Variants in LMX1B observed in about 807,000 individuals in gnomAD.
The protein encoded by LMX1B is LIM homeobox transcription factor 1 beta.
In LMX1B, 12 loss-of-function variants were observed where a neutral mutation model predicts 51.4. The observed-to-expected ratio is 0.23, with a 90% confidence interval of 0.15 to 0.38. LMX1B has a LOEUF of 0.38. Among genes scored for constraint, LMX1B ranks in the 10% least tolerant of loss-of-function variants. The pLI is 1.00. For missense variants in LMX1B, 445 were observed against 571.1 expected (o/e 0.78, Z 2.25); for synonymous variants, 237 against 235.4 (o/e 1.01, Z -0.06).
chr9:126,644,435 T>C (rs1230473559), intron 2 of LMX1B, among the ~76,000 whole-genome samples: 1 of 152,108 alleles, frequency 6.6e-6, no homozygotes, highest in African/African-American at 2.4e-5. Flanking sequence ...CCCACACTAT[T>C]CTTCTCCCGC....
At chr9:126,645,971 A>T (rs556046909) in intron 2 of LMX1B, among the ~76,000 whole-genome samples, 37 of 152,276 alleles carry the variant, frequency 2.4e-4, no homozygotes, top group Non-Finnish European at 4.6e-4. Flanking sequence ...TCTGGCTCTC[A>T]GAACATGCTT....
intron 2 of LMX1B, among the ~76,000 whole-genome samples, chr9:126,645,185 C>A (rs1333866371): frequency 1.3e-5 from 2 of 152,204 alleles, no homozygotes; most frequent in Admixed American, 1.3e-4. Context: ...GATCTCACCT[C>A]CCAGAGACCA....
intron 2 of LMX1B, among the ~76,000 whole-genome samples, chr9:126,682,323 C>T (rs1302088501): frequency 1.3e-5 from 2 of 152,058 alleles, no homozygotes; most frequent in Non-Finnish European, 2.9e-5. Context: ...GAATGTGTGT[C>T]TCATTCATGC....
chr9:126,641,898 C>T lies in LMX1B; in HGVS notation c.326+26329C>T, dbSNP rs534020466. Among the ~76,000 whole-genome samples the T allele has an allele frequency of 1.4e-4, 22 of 152,340 alleles. No homozygotes were observed. The highest frequency in any genetic ancestry group is 5.3e-4 in the African/African-American group (22 of 41,566). On this transcript the variant is annotated intron_variant, in intron 2 of 7. Coordinates refer to ENST00000373474, the MANE Select transcript of LMX1B (RefSeq NM_001174147.2). This position sits in a 1 kb window ranked among gnomAD's most constrained non-coding sequence, Gnocchi z 4.1. ...GGCCCTGGGCAGAGCACTTCACCCA[C>T]GTTCTCTCAGAACTCTGTGAGATAG...
intron 2 of LMX1B, among the ~76,000 whole-genome samples, chr9:126,617,834 C>G (rs887561040): frequency 6.9e-6 from 1 of 145,324 alleles, no homozygotes; most frequent in African/African-American, 2.6e-5. Context: ...CAGTTCATTC[C>G]TCCACCCTCA....
chr9:126,668,015 C>T (rs1182219417), intron 2 of LMX1B, among the ~76,000 whole-genome samples: 3 of 152,130 alleles, frequency 2.0e-5, no homozygotes, highest in Non-Finnish European at 4.4e-5. Flanking sequence ...ATGATGTGGT[C>T]CCACTGGGTG....
intron 2 of LMX1B, among the ~76,000 whole-genome samples, chr9:126,620,923 GA>G (rs1835398660): frequency 6.6e-6 from 1 of 152,142 alleles, no homozygotes; most frequent in African/African-American, 2.4e-5. Context: ...AGGTCTGGGG[GA>G]TTTGTCTATT....
Position 126,651,649 on chromosome 9 carries a change from T to C in LMX1B, c.326+36080T>C, listed in dbSNP as rs558352580. Among the ~76,000 whole-genome samples the C allele has an allele frequency of 5.3e-4, 80 of 151,942 alleles. No individual in the cohort carries two copies. The Middle Eastern group carries it at 0.017, about 32-fold the overall frequency. ...CTGACCCCTCTCCCCTGGGCCCCGC[T>C]CCTCTCCTGAGGCCGACTCAGTTCT... On this transcript the variant is annotated intron_variant, in intron 2 of 7. Transcript: ENST00000373474.
rs376856366 is a variant in LMX1B at position 126,675,915 on chromosome 9, A to G, written c.327-14921A>G. Reference sequence around the variant, plus strand: ...ATACAAAAAATTAGCCGGGCGTGGTAGCGGGCACCTGTAGTCCCAGCTACT... The same window carrying G: ...ATACAAAAAATTAGCCGGGCGTGGTGGCGGGCACCTGTAGTCCCAGCTACT... On this transcript the variant is annotated intron_variant, in intron 2 of 7. Coordinates refer to ENST00000373474, the MANE Select transcript of LMX1B (RefSeq NM_001174147.2). Among the ~76,000 whole-genome samples the G allele has an allele frequency of 6.3e-3, 925 of 146,518 alleles. 12 individuals are homozygous for G. Among genetic ancestry groups the G allele is most frequent in the African/African-American group, 0.022 (864 of 39,406 alleles).
chr9:126,683,742 A>G (rs1467176713), intron 2 of LMX1B, among the ~76,000 whole-genome samples: 2 of 152,228 alleles, frequency 1.3e-5, no homozygotes, highest in African/African-American at 2.4e-5. Flanking sequence ...TATGATGATT[A>G]CCCATAAGGT....
chr9:126,635,219 A>C (rs1835693886), intron 2 of LMX1B, among the ~76,000 whole-genome samples: 1 of 152,124 alleles, frequency 6.6e-6, no homozygotes, highest in Admixed American at 6.5e-5. Context: ...CCCTTCCCCC[A>C]GCCCTCCCAC....
Position 126,671,846 on chromosome 9 carries a change from T to G in LMX1B, c.327-18990T>G, listed in dbSNP as rs1836465953. 6.6e-6 allele frequency among the ~76,000 whole-genome samples: 1 copy of G among 152,160 alleles called. No homozygotes were observed. On this transcript the variant is annotated intron_variant, in intron 2 of 7. Transcript: ENST00000373474. The surrounding 1 kb of genome is among the most constrained non-coding windows in gnomAD (Gnocchi z 4.4). The stretch of plus-strand genomic sequence containing the variant: ...AGGCCCCCAGCGGCCCAGAGGCCAC[T>G]TGGCCAGGCCTCCACTCCCCTCCCT...
rs138835546 is a variant in LMX1B, at chr9:126,621,814, G to A, written c.326+6245G>A. ...ATTTTGGGGGGAAGGTGTAACTGAC[G>A]GGGCAGTGAAGGGCTTGTGTTTGCT... On this transcript the variant is annotated intron_variant, in intron 2 of 7. Transcript: ENST00000373474. Among the ~76,000 whole-genome samples the A allele has an allele frequency of 1.1e-4, 17 of 152,152 alleles. No individual in the cohort carries two copies. The East Asian group carries it at 2.7e-3, about 24-fold the overall frequency.
At position 126,668,443 on chromosome 9, in the gene LMX1B, T is replaced by TTTATTATTATTATTATTA. The variant is rs61392859; in HGVS notation, c.327-22384_327-22367dup. Reference sequence around the variant, plus strand: ...TAGCTTTACAAATACAGAAGCAGGATTTATTATTATTATTATTATTATTAT... The same window carrying TTTATTATTATTATTATTA: ...TAGCTTTACAAATACAGAAGCAGGATTTATTATTATTATTATTATTATTATTATTATTATTATTATTAT... On this transcript the variant is annotated intron_variant, in intron 2 of 7. Coordinates refer to ENST00000373474, the MANE Select transcript of LMX1B (RefSeq NM_001174147.2). 6.8e-3 allele frequency among the ~76,000 whole-genome samples: 997 copies of TTTATTATTATTATTATTA among 146,948 alleles called. 13 individuals are homozygous for TTTATTATTATTATTATTA. The highest frequency in any genetic ancestry group is 0.017 in the African/African-American group (676 of 39,376).
At chr9:126,619,072 C>T (rs766778563) in intron 2 of LMX1B, among the ~76,000 whole-genome samples, 81 of 152,198 alleles carry the variant, frequency 5.3e-4, no homozygotes, top group Non-Finnish European at 1.1e-3. Context: ...TTGGGCTCGC[C>T]TGTCCAGGTA....
intron 2 of LMX1B, among the ~76,000 whole-genome samples, chr9:126,640,205 A>G (rs1835783945): frequency 6.6e-6 from 1 of 152,054 alleles, no homozygotes; most frequent in Non-Finnish European, 1.5e-5. Flanking sequence ...CAGAGCGGGG[A>G]CCTCTGAGGA....
At chr9:126,667,802 G>C (rs926411116) in intron 2 of LMX1B, among the ~76,000 whole-genome samples, 1 of 152,232 alleles carries the variant, frequency 6.6e-6, no homozygotes, top group Admixed American at 6.5e-5. Flanking sequence ...GCCAGTGGCA[G>C]AGGGCAGTGT....
intron 2 of LMX1B, among the ~76,000 whole-genome samples, chr9:126,632,670 G>A (rs1287580397): frequency 6.6e-6 from 1 of 152,156 alleles, no homozygotes; most frequent in Non-Finnish European, 1.5e-5. Flanking sequence ...GAGGGAACAG[G>A]GCACAGGGAG....
At chr9:126,691,307 T>C (rs1328787834) in intron 3 of LMX1B, among the ~76,000 whole-genome samples, 2 of 152,042 alleles carry the variant, frequency 1.3e-5, no homozygotes, top group Admixed American at 6.6e-5. Context: ...CATATAAACA[T>C]ATGTGTGATC....
Sources: allele counts gnomAD v4.1 joint callset (sites outside exome capture counted in the v4.1 genomes callset), GRCh38; gene constraint gnomAD v4.1.1; non-coding constraint Gnocchi (gnomAD v3.1); transcripts MANE v1.5; gene names NCBI Gene and HGNC (gene_info 2026-07-23, HGNC 2026-07-21).